The following IMMP2L variants were observed in gnomAD, a reference collection of about 807,000 sequenced individuals.
The protein encoded by IMMP2L is inner mitochondrial membrane peptidase subunit 2.
In IMMP2L, 18 loss-of-function variants were observed where a neutral mutation model predicts 19.3. The ratio of observed to expected loss-of-function variants is 0.93; its 90% CI spans 0.64 to 1.38. IMMP2L has a LOEUF of 1.38. IMMP2L is among the 40% of genes most tolerant of loss of function. The pLI is 0.00. For synonymous variants in IMMP2L, 76 were observed against 73.0 expected (o/e 1.04, Z -0.21); for missense variants, 233 against 218.2 (o/e 1.07, Z -0.43).
intron 3 of IMMP2L, among the ~76,000 whole-genome samples, chr7:111,008,895 T>C (rs1824602022): frequency 6.6e-6 from 1 of 152,100 alleles, no homozygotes; most frequent in South Asian, 2.1e-4. Flanking sequence ...TAGGAAATTC[T>C]AAACAAAAGC....
chr7:111,258,331 T>C (rs1032471696), intron 3 of IMMP2L, among the ~76,000 whole-genome samples: 6 of 151,962 alleles, frequency 3.9e-5, no homozygotes, highest in Non-Finnish European at 5.9e-5. Context: ...GGTGAATTGA[T>C]TGAAAACAAG....
chr7:111,052,914 C>A (rs543100061), intron 3 of IMMP2L, among the ~76,000 whole-genome samples: 1 of 152,192 alleles, frequency 6.6e-6, no homozygotes, highest in African/African-American at 2.4e-5. Flanking sequence ...CTGTTCTTTC[C>A]TCCCCTAAAA....
intron 4 of IMMP2L, among the ~76,000 whole-genome samples, chr7:110,950,011 T>C (rs1051757568): frequency 1.3e-5 from 2 of 152,200 alleles, no homozygotes; most frequent in African/African-American, 4.8e-5. Context: ...CTTTTGCTTA[T>C]GTTGCAGGCT....
chr7:111,120,364 G>A (rs2129587553), intron 3 of IMMP2L, among the ~76,000 whole-genome samples: 1 of 152,200 alleles, frequency 6.6e-6, no homozygotes, highest in Admixed American at 6.5e-5. Flanking sequence ...AGGCAAGAGA[G>A]AATGAGACTC....
intron 3 of IMMP2L, among the ~76,000 whole-genome samples, chr7:111,240,678 C>T (rs767614084): frequency 4.6e-5 from 7 of 152,006 alleles, no homozygotes; most frequent in African/African-American, 1.4e-4. Flanking sequence ...ATTTTTGTTG[C>T]GGTCAAGTAT....
intron 3 of IMMP2L, among the ~76,000 whole-genome samples, chr7:110,972,768 C>T (rs963760439): frequency 1.3e-5 from 2 of 152,016 alleles, no homozygotes; most frequent in African/African-American, 4.8e-5. Flanking sequence ...AGCCAGGTGA[C>T]TAAGAAGAGA....
intron 3 of IMMP2L, among the ~76,000 whole-genome samples, chr7:111,348,383 C>T (rs1200626566): frequency 2.0e-5 from 3 of 151,940 alleles, no homozygotes; most frequent in Admixed American, 6.6e-5. Context: ...TTCATAAATA[C>T]GTCTCTCCAA....
intron 3 of IMMP2L, among the ~76,000 whole-genome samples, chr7:110,977,586 G>A (rs1820831368): frequency 6.6e-6 from 1 of 151,908 alleles, no homozygotes; most frequent in Admixed American, 6.6e-5. Context: ...CTGTGTTGTG[G>A]TTTATTACAC....
chr7:111,284,113 T>C (rs1820225472), intron 3 of IMMP2L, among the ~76,000 whole-genome samples: 1 of 152,134 alleles, frequency 6.6e-6, no homozygotes, highest in African/African-American at 2.4e-5. Flanking sequence ...TACCCTGTAG[T>C]TCTCATGGCT....
At chr7:110,856,505 A>T in intron 5 of IMMP2L, among the ~76,000 whole-genome samples, 1 of 152,064 alleles carries the variant, frequency 6.6e-6, no homozygotes, top group Non-Finnish European at 1.5e-5. Flanking sequence ...AATGAAAGTG[A>T]CATTATTTTA....
chr7:110,911,446 A>T (rs1166291862), intron 4 of IMMP2L, among the ~76,000 whole-genome samples: 1 of 152,200 alleles, frequency 6.6e-6, no homozygotes, highest in East Asian at 1.9e-4. Flanking sequence ...TGTGGAAATT[A>T]TTCTATCTTC....
chr7:111,294,192 T>C (rs1821394664), intron 3 of IMMP2L, among the ~76,000 whole-genome samples: 1 of 151,874 alleles, frequency 6.6e-6, no homozygotes, highest in Admixed American at 6.6e-5. Flanking sequence ...TATGGCTAGT[T>C]GGTGGCAAAA....
At chr7:110,814,149 G>A (rs1802265729) in intron 5 of IMMP2L, among the ~76,000 whole-genome samples, 1 of 151,892 alleles carries the variant, frequency 6.6e-6, no homozygotes, top group Admixed American at 6.6e-5. Context: ...TTGTTTTCAG[G>A]AGCAGTTCTA....
At chr7:110,777,069 G>A (rs1799437411) in intron 5 of IMMP2L, among the ~76,000 whole-genome samples, 1 of 151,980 alleles carries the variant, frequency 6.6e-6, no homozygotes, top group African/African-American at 2.4e-5. Context: ...CATAAGGAAG[G>A]TGTGGGAGGA....
At chr7:111,263,300 G>A (rs1364460969) in intron 3 of IMMP2L, among the ~76,000 whole-genome samples, 1 of 152,122 alleles carries the variant, frequency 6.6e-6, no homozygotes, top group East Asian at 1.9e-4. Flanking sequence ...CCTGTATTCT[G>A]CATATATTCT....
rs533645793 is a variant in IMMP2L, at chr7:110,956,303, T to A, written c.305+7197A>T. On this transcript the variant is annotated intron_variant, in intron 4 of 5. Coordinates refer to ENST00000405709, the MANE Select transcript of IMMP2L (RefSeq NM_032549.4). ...GATTAGTCTGCAATATCAATACTAG[T>A]TAAAGAAAGCCTTGTGCTGTACTCA... 7.9e-5 allele frequency among the ~76,000 whole-genome samples: 12 copies of A among 152,154 alleles called. No individual in the cohort carries two copies. The South Asian group carries it at 2.5e-3, about 32-fold the overall frequency.
chr7:110,670,593 G>A (rs530272434), intron 5 of IMMP2L, among the ~76,000 whole-genome samples: 26 of 151,928 alleles, frequency 1.7e-4, no homozygotes, highest in Non-Finnish European at 2.9e-4. Context: ...GCCAGGCTGA[G>A]GCAGAAGAAT....
At chr7:110,818,246 T>C (rs2095902708) in intron 5 of IMMP2L, among the ~76,000 whole-genome samples, 1 of 151,780 alleles carries the variant, frequency 6.6e-6, no homozygotes, top group South Asian at 2.1e-4. Context: ...GAATCTACAA[T>C]GAACTCAAAC....
intron 5 of IMMP2L, among the ~76,000 whole-genome samples, chr7:110,862,499 C>T (rs911977646): frequency 1.3e-5 from 2 of 151,240 alleles, no homozygotes; most frequent in Admixed American, 6.6e-5. Flanking sequence ...CTCCCAGGCC[C>T]GGCTAATTTT....
Sources: allele counts gnomAD v4.1 joint callset (sites outside exome capture counted in the v4.1 genomes callset), GRCh38; gene constraint gnomAD v4.1.1; transcripts MANE v1.5; gene names NCBI Gene and HGNC (gene_info 2026-07-23, HGNC 2026-07-21).